Variants in MYO3B observed in about 807,000 individuals in gnomAD.
The protein encoded by MYO3B is myosin IIIB, also known as myosin-IIIb.
A neutral mutation model predicts 174.6 loss-of-function variants in MYO3B; 156 were observed. That is an observed-to-expected ratio of 0.89 (90% CI 0.78 to 1.02). The LOEUF (loss-of-function observed/expected upper bound fraction) is 1.02, where lower values mean the gene tolerates loss of function less well. MYO3B is among the 50% of genes least tolerant of loss of function. MYO3B has a pLI of 0.00. For synonymous variants in MYO3B, 563 were observed against 569.1 expected, an observed-to-expected ratio of 0.99 and a Z score of 0.15; for missense variants, 1,632 against 1,639.4, an observed-to-expected ratio of 1.00 and a Z score of 0.08.
chr2:170,563,031 T>TACAGAC (rs113065233), intron 32 of MYO3B, among the ~76,000 whole-genome samples: 1 of 138,568 alleles, frequency 7.2e-6, no homozygotes, highest in Non-Finnish European at 1.5e-5. Context: ...AAAACATGCA[T>TACAGAC]ACACACACAC....
At chr2:170,549,423 A>G (rs949991191) in intron 32 of MYO3B, among the ~76,000 whole-genome samples, 14 of 152,164 alleles carry the variant, frequency 9.2e-5, no homozygotes, top group Admixed American at 8.5e-4. Flanking sequence ...TTAGTGATTG[A>G]TTTCGGGTCT....
rs187638418 is a variant in MYO3B at position 170,285,302 on chromosome 2, C to T, written c.749+49166C>T. ...TTTTGTCTTTATTAATTTATAGGTA[C>T]ATCTTATATATTCAGGATACTAACA... On this transcript the variant is annotated intron_variant, in intron 7 of 34. Coordinates refer to ENST00000408978, the MANE Select transcript of MYO3B (RefSeq NM_138995.5). 5.3e-5 allele frequency among the ~76,000 whole-genome samples: 8 copies of T among 151,866 alleles called. No individual in the cohort carries two copies. The East Asian group carries it at 1.5e-3, about 29-fold the overall frequency.
At chr2:170,608,117 T>G (rs1694924021) in intron 32 of MYO3B, among the ~76,000 whole-genome samples, 1 of 152,154 alleles carries the variant, frequency 6.6e-6, no homozygotes, top group African/African-American at 2.4e-5. Flanking sequence ...TTCCGTGATG[T>G]AAAGAATAGT....
intron 32 of MYO3B, among the ~76,000 whole-genome samples, chr2:170,548,584 G>A (rs557845780): frequency 1.3e-5 from 2 of 152,274 alleles, no homozygotes; most frequent in South Asian, 4.2e-4. Context: ...CAGTTTTGGA[G>A]TTGAGAACCA....
rs1699143342 is a variant in MYO3B at position 170,653,740 on chromosome 2, C to T, written c.*619C>T. The T allele has an allele frequency of 6.6e-6, 1 of 152,222 alleles. No individual in the cohort carries two copies. Among genetic ancestry groups the T allele is most frequent in the African/African-American group, 2.4e-5 (1 of 41,434 alleles). 9.4% of individuals were successfully genotyped at this position (152,222 alleles called of 1,614,324 possible). The stretch of plus-strand genomic sequence containing the variant: ...TCTTTCTACAAGGCAAATAACCCCT[C>T]TCTTGTTAATTATGATGCTGAGAAA... On this transcript the variant is annotated 3_prime_UTR_variant, in exon 35 of 35. Coordinates refer to ENST00000408978, the MANE Select transcript of MYO3B (RefSeq NM_138995.5).
intron 30 of MYO3B, 199 bp downstream of exon 30, chr2:170,519,739 G>T (rs370441609): frequency 1.5e-5 from 7 of 464,626 alleles, no homozygotes; most frequent in African/African-American, 1.4e-4. Context: ...TGTGGGGGCC[G>T]AGGTGGGTGG....
At chr2:170,215,092 T>G (rs1047129554) in intron 5 of MYO3B, among the ~76,000 whole-genome samples, 2 of 152,226 alleles carry the variant, frequency 1.3e-5, no homozygotes, top group Non-Finnish European at 2.9e-5. Flanking sequence ...GGAAAAACTT[T>G]TCGGTTTTCT....
At chr2:170,357,370 T>C (rs886915543) in intron 8 of MYO3B, among the ~76,000 whole-genome samples, 1 of 142,014 alleles carries the variant, frequency 7.0e-6, no homozygotes, top group East Asian at 2.0e-4. Flanking sequence ...ATTATATATT[T>C]ATATGTGTAT....
intron 7 of MYO3B, among the ~76,000 whole-genome samples, chr2:170,256,530 C>T (rs1299844046): frequency 6.6e-6 from 1 of 152,104 alleles, no homozygotes; most frequent in Non-Finnish European, 1.5e-5. Flanking sequence ...TCATATACCA[C>T]CAAATCAAGA....
chr2:170,637,181 T>G (rs1284624264), intron 32 of MYO3B, among the ~76,000 whole-genome samples: 5 of 150,924 alleles, frequency 3.3e-5, no homozygotes, highest in African/African-American at 1.2e-4. Context: ...GTTTTTTTTT[T>G]TTTTTTTTTA....
At chr2:170,374,544 C>T (rs1040285728) in intron 9 of MYO3B, among the ~76,000 whole-genome samples, 1 of 152,028 alleles carries the variant, frequency 6.6e-6, no homozygotes, top group African/African-American at 2.4e-5. Flanking sequence ...TCAGTTATGG[C>T]ACATATTCAA....
chr2:170,642,482 C>G (rs1047813098), intron 32 of MYO3B, among the ~76,000 whole-genome samples: 7 of 152,162 alleles, frequency 4.6e-5, no homozygotes, highest in African/African-American at 1.7e-4. Flanking sequence ...GAATTACATG[C>G]ACCCCAGGAG....
At chr2:170,596,646 T>C (rs1694166581) in intron 32 of MYO3B, among the ~76,000 whole-genome samples, 1 of 152,224 alleles carries the variant, frequency 6.6e-6, no homozygotes, top group Admixed American at 6.5e-5. Flanking sequence ...TCTTCCTCTG[T>C]TCTTTTTCCA....
chr2:170,431,109 G>A (rs1202180821), intron 22 of MYO3B, among the ~76,000 whole-genome samples: 1 of 152,024 alleles, frequency 6.6e-6, no homozygotes, highest in African/African-American at 2.4e-5. Context: ...TTTTTAAATG[G>A]GTCAGGTCTT....
chr2:170,353,345 T>C (rs1454025162), intron 8 of MYO3B, among the ~76,000 whole-genome samples: 1 of 152,108 alleles, frequency 6.6e-6, no homozygotes, highest in Non-Finnish European at 1.5e-5. Context: ...TACGTGACAT[T>C]CTGGAAAAGG....
At chr2:170,635,981 A>C (rs1482898154) in intron 32 of MYO3B, among the ~76,000 whole-genome samples, 1 of 152,250 alleles carries the variant, frequency 6.6e-6, no homozygotes, top group East Asian at 1.9e-4. Context: ...CACAACTTAG[A>C]TGATCAGCTT....
chr2:170,392,908 G>T (rs532436271), intron 16 of MYO3B, among the ~76,000 whole-genome samples: 1 of 151,674 alleles, frequency 6.6e-6, no homozygotes, highest in East Asian at 1.9e-4. Context: ...AAGTGAACGG[G>T]GGGTAGGAGT....
intron 25 of MYO3B, among the ~76,000 whole-genome samples, chr2:170,492,821 C>T (rs1042827591): frequency 6.6e-6 from 1 of 152,196 alleles, no homozygotes; most frequent in African/African-American, 2.4e-5. Flanking sequence ...GTTTCTCAGA[C>T]TTATGTCCTT....
At chr2:170,306,110 G>T (rs2093699079) in intron 7 of MYO3B, among the ~76,000 whole-genome samples, 1 of 152,156 alleles carries the variant, frequency 6.6e-6, no homozygotes, top group Non-Finnish European at 1.5e-5. Flanking sequence ...TGGTAGCCTG[G>T]GTTAAGCTGG....
Sources: allele counts gnomAD v4.1 joint callset (sites outside exome capture counted in the v4.1 genomes callset), GRCh38; gene constraint gnomAD v4.1.1; transcripts MANE v1.5; gene names NCBI Gene and HGNC (gene_info 2026-07-23, HGNC 2026-07-21).